CSMD1: variants seen among roughly 807,000 people sequenced by gnomAD.
CSMD1 encodes the protein CUB and Sushi multiple domains 1, also known as CUB and sushi domain-containing protein 1.
Under a neutral mutation model 417.5 loss-of-function variants are expected in CSMD1, and 213 were observed. The observed-to-expected ratio is 0.51, with a 90% CI of 0.46 to 0.57. The LOEUF is 0.57. Ranked by LOEUF, CSMD1 falls within the 20% of genes least tolerant of loss-of-function variation. The probability of loss-of-function intolerance (pLI) is 0.00; values close to 1 mark genes in which losing one functional copy is unlikely to be tolerated. For synonymous variants in CSMD1, 2,862 were observed against 1,736.8 expected (o/e 1.65, Z -16.11); for missense variants, 6,923 against 4,529.7 (o/e 1.53, Z -15.17).
At chr8:3,601,802 A>C (rs1039742820) in intron 8 of CSMD1, among the ~76,000 whole-genome samples, 2 of 151,816 alleles carry the variant, frequency 1.3e-5, no homozygotes. Context: ...TCGTTTAAAA[A>C]CTCTTCAGAA....
chr8:3,619,919 T>C (rs1809449), intron 7 of CSMD1, among the ~76,000 whole-genome samples: 83,882 of 151,784 alleles, frequency 0.55, 22,849 homozygotes, highest in Middle Eastern at 0.64. Context: ...CTGGCCAACA[T>C]AGTGAAACCC....
At chr8:4,293,106 G>C (rs1189101425) in intron 3 of CSMD1, among the ~76,000 whole-genome samples, 1 of 152,174 alleles carries the variant, frequency 6.6e-6, no homozygotes, top group East Asian at 1.9e-4. Flanking sequence ...AACAGCAGGA[G>C]GGGGCTACCA....
At chr8:3,817,586 T>C (rs765378601) in intron 5 of CSMD1, among the ~76,000 whole-genome samples, 2 of 152,006 alleles carry the variant, frequency 1.3e-5, no homozygotes, top group Non-Finnish European at 2.9e-5. Context: ...GCCATCTTCT[T>C]TATTTAGAGT....
At chr8:3,486,821 G>A (rs534776027) in intron 11 of CSMD1, among the ~76,000 whole-genome samples, 7 of 152,314 alleles carry the variant, frequency 4.6e-5, no homozygotes, top group East Asian at 1.9e-4. Flanking sequence ...AATCCAAAAT[G>A]CTGAAGCCCA....
intron 8 of CSMD1, among the ~76,000 whole-genome samples, chr8:3,597,514 A>G (rs1019924431): frequency 5.9e-5 from 9 of 152,184 alleles, no homozygotes; most frequent in African/African-American, 1.9e-4. Flanking sequence ...GAGATAAAAC[A>G]TGAGCCACAT....
At position 4,992,198 on chromosome 8, in the gene CSMD1, G is replaced by A. The variant is rs141566061; in HGVS notation, c.85+2134C>T. On this transcript the variant is annotated intron_variant, in intron 1 of 69. Transcript: ENST00000635120. ...CCCAGAATCATCCAGAGCAGCCCCC[G>A]CCCACTACCTGGCCCTCCACACCCT... Among the ~76,000 whole-genome samples the A allele has an allele frequency of 3.1e-4, 47 of 152,180 alleles. 1 individual carries two copies. In the East Asian group the frequency reaches 8.4e-3, roughly 27 times the overall value.
intron 1 of CSMD1, among the ~76,000 whole-genome samples, chr8:4,730,551 T>C (rs1414561526): frequency 2.0e-5 from 3 of 151,892 alleles, no homozygotes; most frequent in African/African-American, 7.3e-5. Flanking sequence ...CCATCCTGGC[T>C]AACACGGTGA....
chr8:4,112,139 C>G (rs1192472525), intron 3 of CSMD1, among the ~76,000 whole-genome samples: 1 of 152,172 alleles, frequency 6.6e-6, no homozygotes, highest in African/African-American at 2.4e-5. Context: ...CTTCAAAGTG[C>G]TGGGCATCCA....
At chr8:4,354,989 A>G (rs553461598) in intron 3 of CSMD1, among the ~76,000 whole-genome samples, 6 of 151,796 alleles carry the variant, frequency 4.0e-5, no homozygotes, top group Non-Finnish European at 7.4e-5. Context: ...GTGGCCAGGC[A>G]CGGTGGCTCA....
intron 12 of CSMD1, among the ~76,000 whole-genome samples, chr8:3,411,989 T>TAC (rs1563362014): frequency 6.9e-5 from 6 of 86,486 alleles, no homozygotes; most frequent in Admixed American, 1.4e-4. Flanking sequence ...CACGTATATA[T>TAC]ACGTGTATAT....
chr8:3,949,703 A>G (rs1406043883), intron 5 of CSMD1, among the ~76,000 whole-genome samples: 1 of 152,052 alleles, frequency 6.6e-6, no homozygotes, highest in African/African-American at 2.4e-5. Context: ...ATAAGGGCAC[A>G]TTTCCTGATT....
chr8:3,901,013 T>C (rs1442180198), intron 5 of CSMD1, among the ~76,000 whole-genome samples: 2 of 152,234 alleles, frequency 1.3e-5, no homozygotes, highest in African/African-American at 2.4e-5. Context: ...CATAGTGTTA[T>C]CATTATTGAC....
At chr8:2,989,059 T>G (rs970848741) in intron 54 of CSMD1, among the ~76,000 whole-genome samples, 1 of 152,208 alleles carries the variant, frequency 6.6e-6, no homozygotes, top group Non-Finnish European at 1.5e-5. Flanking sequence ...AGGAAAAGAA[T>G]GCAAAGACAA....
chr8:3,382,511 A>ATATATATAAATTTATATAAATATG (rs1810699758), intron 18 of CSMD1, among the ~76,000 whole-genome samples: 1 of 139,510 alleles, frequency 7.2e-6, no homozygotes. Flanking sequence ...ATAAATTTAT[A>ATATATATAAATTTATATAAATATG]TATATATAAA....
At chr8:4,804,597 A>G (rs566766269) in intron 1 of CSMD1, among the ~76,000 whole-genome samples, 11 of 152,196 alleles carry the variant, frequency 7.2e-5, no homozygotes, top group African/African-American at 2.6e-4. Flanking sequence ...GGAAGGAAGG[A>G]AAGTACGAAG....
intron 3 of CSMD1, among the ~76,000 whole-genome samples, chr8:4,192,330 G>A (rs1428651548): frequency 6.6e-6 from 1 of 152,176 alleles, no homozygotes; most frequent in Non-Finnish European, 1.5e-5. Context: ...TCAAGCTTCA[G>A]GAGGAGCTAT....
intron 3 of CSMD1, among the ~76,000 whole-genome samples, chr8:4,412,129 A>C (rs1358781356): frequency 6.6e-6 from 1 of 152,076 alleles, no homozygotes. Flanking sequence ...AGCCAGGGCA[A>C]ATGATTAGCT....
intron 5 of CSMD1, among the ~76,000 whole-genome samples, chr8:3,859,116 T>A (rs979770074): frequency 6.6e-6 from 1 of 152,188 alleles, no homozygotes; most frequent in Non-Finnish European, 1.5e-5. Flanking sequence ...AAGCTCTGAG[T>A]ACTATGATTC....
intron 3 of CSMD1, among the ~76,000 whole-genome samples, chr8:4,193,466 T>A (rs961885700): frequency 1.3e-5 from 2 of 152,122 alleles, no homozygotes; most frequent in Non-Finnish European, 2.9e-5. Context: ...TTTCCCTGGA[T>A]GGAATGATGG....
Sources: allele counts gnomAD v4.1 joint callset (sites outside exome capture counted in the v4.1 genomes callset), GRCh38; gene constraint gnomAD v4.1.1; transcripts MANE v1.5; gene names NCBI Gene and HGNC (gene_info 2026-07-23, HGNC 2026-07-21).